Variants in AGTPBP1 observed in about 807,000 individuals in gnomAD.
The protein encoded by AGTPBP1 is cytosolic carboxypeptidase 1.
Under a neutral mutation model 143.9 loss-of-function variants are expected in AGTPBP1, and 70 were observed. The ratio of observed to expected loss-of-function variants is 0.49; its 90% CI spans 0.40 to 0.59. AGTPBP1 has a LOEUF of 0.59. Among genes scored for constraint, AGTPBP1 ranks in the 20% least tolerant of loss-of-function variants. The pLI, the probability that AGTPBP1 is intolerant of heterozygous loss-of-function variation, is 0.00. For synonymous variants in AGTPBP1, 463 were observed against 500.2 expected, an observed-to-expected ratio of 0.93 and a Z score of 0.99; for missense variants, 1,229 against 1,464.5, an observed-to-expected ratio of 0.84 and a Z score of 2.62.
the AGTPBP1 span, among the ~76,000 whole-genome samples, chr9:85,767,995 G>C: frequency 6.6e-6 from 1 of 152,098 alleles, no homozygotes; most frequent in Non-Finnish European, 1.5e-5. Flanking sequence ...GAAAAGCAGT[G>C]CTCTATCATA....
At chr9:85,742,394 A>C (rs1824418621), upstream of AGTPBP1, among the ~76,000 whole-genome samples, 1 of 151,798 alleles carries the variant, frequency 6.6e-6, no homozygotes, top group Non-Finnish European at 1.5e-5. Flanking sequence ...TTTCTTAGGA[A>C]GGGTTCTTAA....
At chr9:85,764,163 A>G in the AGTPBP1 span, among the ~76,000 whole-genome samples, 2 of 152,180 alleles carry the variant, frequency 1.3e-5, no homozygotes, top group African/African-American at 4.8e-5. Flanking sequence ...AGTCAAGGCA[A>G]TTCTTGGCAG....
At chr9:85,573,178 C>T (rs1045351295) in intron 25 of AGTPBP1, among the ~76,000 whole-genome samples, 1 of 151,992 alleles carries the variant, frequency 6.6e-6, no homozygotes, top group Non-Finnish European at 1.5e-5. Context: ...GTACTGCTGC[C>T]ATCTCGGCTC....
At chr9:85,554,693 T>C (rs1826227996) in intron 25 of AGTPBP1, among the ~76,000 whole-genome samples, 1 of 152,138 alleles carries the variant, frequency 6.6e-6, no homozygotes, top group Non-Finnish European at 1.5e-5. Flanking sequence ...TTATACATAA[T>C]ACCTGGCATC....
In AGTPBP1 at chr9:85,619,309, A is replaced by G. The variant is rs1340832967; in HGVS notation, c.2100-8T>C. 3 of 1,581,328 alleles carry G rather than the reference A, an allele frequency of 1.9e-6. No individual in the cohort carries two copies. The highest frequency in any genetic ancestry group is 2.6e-6 in the Non-Finnish European group (3 of 1,158,186). ...TCTTCTGGAATGGTGTAACTAAATA[A>G]AAGTTTTAAAGTAAATGTATTAAAA... On this transcript the variant is annotated splice_polypyrimidine_tract_variant and splice_region_variant and intron_variant, in intron 15 of 25. Coordinates refer to ENST00000357081, the MANE Select transcript of AGTPBP1 (RefSeq NM_001330701.2).
rs138026997 is a variant in AGTPBP1, at chr9:85,625,022, T to C, written c.2016-3737A>G. Among the ~76,000 whole-genome samples the C allele has an allele frequency of 2.1e-3, 314 of 152,356 alleles. 3 individuals carry two copies. The highest frequency in any genetic ancestry group is 7.0e-3 in the African/African-American group (290 of 41,600). On this transcript the variant is annotated intron_variant, in intron 14 of 25. Coordinates refer to ENST00000357081, the MANE Select transcript of AGTPBP1 (RefSeq NM_001330701.2). ...TAAAAAGGTTACACCATAATTTAAC[T>C]AGTCCTTGACAAATAGGCACTTGAG... is the stretch of plus-strand genomic sequence containing the variant.
chr9:85,758,961 G>A, the AGTPBP1 span, among the ~76,000 whole-genome samples: 18 of 152,144 alleles, frequency 1.2e-4, no homozygotes, highest in Middle Eastern at 3.4e-3. Flanking sequence ...AAAAGGCAGG[G>A]GTTGCAATCC....
In AGTPBP1 at chr9:85,655,124, A is replaced by G; in HGVS notation, c.1087+19T>C. 6.4e-7 allele frequency: 1 copy of G among 1,570,272 alleles called. No individual in the cohort carries two copies. The highest frequency in any genetic ancestry group is 8.6e-7 in the Non-Finnish European group (1 of 1,159,856). On this transcript the variant is annotated intron_variant, in intron 11 of 25. Coordinates refer to ENST00000357081, the MANE Select transcript of AGTPBP1 (RefSeq NM_001330701.2). ...ATTCTAAGAACCCACAAAAAGCAGC[A>G]GTGACCCTGTGATCCTACCTTCAGG...
intron 11 of AGTPBP1, among the ~76,000 whole-genome samples, chr9:85,650,491 G>A (rs1833094720): frequency 6.6e-6 from 1 of 151,972 alleles, no homozygotes; most frequent in African/African-American, 2.4e-5. Flanking sequence ...AGCTTACTTT[G>A]TTGTACAGAA....
intron 25 of AGTPBP1, among the ~76,000 whole-genome samples, chr9:85,563,788 A>G (rs1403690440): frequency 6.6e-6 from 1 of 152,202 alleles, no homozygotes; most frequent in African/African-American, 2.4e-5. Context: ...AGATCATCAG[A>G]GTGGTTTCAA....
chr9:85,555,485 G>C (rs1826280110), intron 25 of AGTPBP1, among the ~76,000 whole-genome samples: 2 of 152,196 alleles, frequency 1.3e-5, no homozygotes, highest in Non-Finnish European at 1.5e-5. Flanking sequence ...TGTAATCCCA[G>C]TTACTCAGGA....
chr9:85,671,329 A>C (rs1311756479), intron 7 of AGTPBP1, among the ~76,000 whole-genome samples: 2 of 151,774 alleles, frequency 1.3e-5, no homozygotes, highest in Non-Finnish European at 2.9e-5. Flanking sequence ...TTTTACCTTT[A>C]CTATTTCATT....
the AGTPBP1 span, chr9:85,755,979 T>C: frequency 4.3e-6 from 4 of 924,422 alleles, no homozygotes; most frequent in African/African-American, 5.1e-5. Flanking sequence ...AAATGTTCAT[T>C]TAAGAGATTT....
At chr9:85,585,419 C>T in intron 23 of AGTPBP1, 44 bp downstream of exon 23, 2 of 1,496,892 alleles carry the variant, frequency 1.3e-6, no homozygotes, top group South Asian at 1.4e-5. Flanking sequence ...TACTTTTATG[C>T]ATGTTTGAAA....
chr9:85,610,390 ATTCTC>A (rs1420867009), intron 17 of AGTPBP1, among the ~76,000 whole-genome samples: 1 of 152,224 alleles, frequency 6.6e-6, no homozygotes, highest in East Asian at 1.9e-4. Context: ...CAAAGGCAGT[ATTCTC>A]TTTACAATTG....
At position 85,608,984 on chromosome 9, in the gene AGTPBP1, C is replaced by T. The variant is rs61242605; in HGVS notation, c.2335+9999G>A. ...ATTGATCAAACAAGTTAATATATTA[C>T]GGACAGTGGGGCCCAAAATTATCTC... is the stretch of plus-strand genomic sequence containing the variant. On this transcript the variant is annotated intron_variant, in intron 17 of 25. Transcript: ENST00000357081. Among the ~76,000 whole-genome samples the T allele has an allele frequency of 8.2e-3, 1,252 of 152,166 alleles. 26 individuals are homozygous for T. The highest frequency in any genetic ancestry group is 0.028 in the African/African-American group (1,170 of 41,514).
intron 1 of AGTPBP1, among the ~76,000 whole-genome samples, chr9:85,720,186 A>G (rs1023749161): frequency 2.6e-5 from 4 of 152,218 alleles, no homozygotes; most frequent in Admixed American, 6.5e-5. Flanking sequence ...AAAATGAGTT[A>G]GGGAGGATTC....
At chr9:85,678,916 C>T (rs1016118464) in intron 4 of AGTPBP1, among the ~76,000 whole-genome samples, 5 of 152,086 alleles carry the variant, frequency 3.3e-5, no homozygotes, top group Non-Finnish European at 5.9e-5. Flanking sequence ...AGATAAAGAG[C>T]TTCTTTATTC....
At chr9:85,633,398 A>G in intron 13 of AGTPBP1, 24 bp from the exon 14 acceptor site, 1 of 1,460,736 alleles carries the variant, frequency 6.8e-7, no homozygotes, top group Admixed American at 2.4e-5. Context: ...AACATGTTTA[A>G]TCTTTTAACT....
Sources: allele counts gnomAD v4.1 joint callset (sites outside exome capture counted in the v4.1 genomes callset), GRCh38; gene constraint gnomAD v4.1.1; transcripts MANE v1.5; gene names NCBI Gene and HGNC (gene_info 2026-07-23, HGNC 2026-07-21).